Variants in ERBB4 observed in about 807,000 individuals in gnomAD.
ERBB4 encodes the protein receptor tyrosine-protein kinase erbB-4.
In ERBB4, 42 loss-of-function variants were observed where a neutral mutation model predicts 158.0. The observed-to-expected ratio is 0.27, with a 90% CI of 0.21 to 0.34. ERBB4 has a LOEUF of 0.34. Among genes scored for constraint, ERBB4 ranks in the 10% least tolerant of loss-of-function variants. The pLI is 1.00. For synonymous variants in ERBB4, 583 were observed against 558.7 expected (o/e 1.04, Z -0.61); for missense variants, 1,333 against 1,624.1 (o/e 0.82, Z 3.08).
chr2:212,230,702 T>C (rs1010258153), intron 1 of ERBB4, among the ~76,000 whole-genome samples: 4 of 152,198 alleles, frequency 2.6e-5, no homozygotes, highest in Non-Finnish European at 5.9e-5. Flanking sequence ...ATCATACTAC[T>C]TATTCAGGTT....
chr2:212,461,560 T>G (rs941455061), intron 1 of ERBB4, among the ~76,000 whole-genome samples: 2 of 152,174 alleles, frequency 1.3e-5, no homozygotes, highest in Non-Finnish European at 2.9e-5. Flanking sequence ...TTTCACATGC[T>G]CATAGGTGGA....
chr2:211,457,225 G>T (rs2064404946), intron 20 of ERBB4, among the ~76,000 whole-genome samples: 1 of 152,014 alleles, frequency 6.6e-6, no homozygotes, highest in African/African-American at 2.4e-5. Flanking sequence ...ATACATTATG[G>T]TTACATTAAG....
At chr2:211,612,500 C>T (rs1014140514) in intron 19 of ERBB4, among the ~76,000 whole-genome samples, 3 of 151,828 alleles carry the variant, frequency 2.0e-5, no homozygotes, top group Non-Finnish European at 4.4e-5. Flanking sequence ...TGAGAAAGCA[C>T]ACTTAAGCTG....
intron 1 of ERBB4, among the ~76,000 whole-genome samples, chr2:212,431,084 C>G (rs2092016791): frequency 6.6e-6 from 1 of 151,874 alleles, no homozygotes; most frequent in Non-Finnish European, 1.5e-5. Context: ...CTGATTGACA[C>G]TGATTCCCTC....
chr2:212,476,153 T>TCTCA (rs1553646929), intron 1 of ERBB4, among the ~76,000 whole-genome samples: 62 of 144,282 alleles, frequency 4.3e-4, no homozygotes, highest in African/African-American at 1.6e-3. Context: ...TCTCTCTCTG[T>TCTCA]CACACACACA....
chr2:211,405,658 T>C (rs2063131522), intron 25 of ERBB4, among the ~76,000 whole-genome samples: 1 of 152,188 alleles, frequency 6.6e-6, no homozygotes, highest in Admixed American at 6.6e-5. Context: ...TCACATTTCC[T>C]GCCTTTAACT....
intron 27 of ERBB4, among the ~76,000 whole-genome samples, chr2:211,386,095 C>A (rs1252828667): frequency 6.6e-6 from 1 of 152,206 alleles, no homozygotes; most frequent in Admixed American, 6.5e-5. Flanking sequence ...CTAAAGACTG[C>A]GAGAGACATG....
chr2:211,531,951 T>C (rs1194961248), intron 20 of ERBB4, among the ~76,000 whole-genome samples: 1 of 152,010 alleles, frequency 6.6e-6, no homozygotes, highest in East Asian at 1.9e-4. Flanking sequence ...ATCTGGTACA[T>C]ATTCAGCCAT....
chr2:212,091,708 A>G (rs74894709), intron 2 of ERBB4, among the ~76,000 whole-genome samples: 19,632 of 152,192 alleles, frequency 0.13, 1,567 homozygotes, highest in African/African-American at 0.22. Context: ...ATTGAAAAAA[A>G]ATCATAAAAT....
chr2:211,613,835 A>G (rs2069288049), intron 19 of ERBB4, among the ~76,000 whole-genome samples: 1 of 152,078 alleles, frequency 6.6e-6, no homozygotes, highest in African/African-American at 2.4e-5. Context: ...GTATATTAGT[A>G]TAACCACTAT....
intron 20 of ERBB4, among the ~76,000 whole-genome samples, chr2:211,516,335 CT>C (rs1182366655): frequency 2.8e-5 from 4 of 145,380 alleles, no homozygotes; most frequent in South Asian, 2.2e-4. Context: ...CCTTTTTTTT[CT>C]TTTTTTTTTC....
intron 19 of ERBB4, among the ~76,000 whole-genome samples, chr2:211,591,794 C>A (rs2068475069): frequency 6.6e-6 from 1 of 152,174 alleles, no homozygotes; most frequent in Non-Finnish European, 1.5e-5. Flanking sequence ...TCATAAAAAT[C>A]CCAGTGTGAA....
chr2:211,725,537 T>A (rs968947891), intron 5 of ERBB4, among the ~76,000 whole-genome samples: 1 of 152,044 alleles, frequency 6.6e-6, no homozygotes, highest in African/African-American at 2.4e-5. Context: ...TTGAGGCCAG[T>A]AGTTCAAAGA....
chr2:211,542,193 G>A (rs1215940305), intron 20 of ERBB4, among the ~76,000 whole-genome samples: 1 of 151,998 alleles, frequency 6.6e-6, no homozygotes, highest in Non-Finnish European at 1.5e-5. Flanking sequence ...GTGCCTTAGG[G>A]AGAAAGACAA....
At chr2:212,406,619 G>A (rs1443695081) in intron 1 of ERBB4, among the ~76,000 whole-genome samples, 1 of 152,004 alleles carries the variant, frequency 6.6e-6, no homozygotes, top group Non-Finnish European at 1.5e-5. Flanking sequence ...GTAAAGGACG[G>A]GTACATTAAT....
At chr2:211,555,263 G>A (rs969053839) in intron 20 of ERBB4, among the ~76,000 whole-genome samples, 11 of 151,890 alleles carry the variant, frequency 7.2e-5, no homozygotes, top group Admixed American at 1.3e-4. Context: ...TCGGCTCACC[G>A]CAACCTCTAC....
chr2:212,271,965 A>T (rs1200683344), intron 1 of ERBB4, among the ~76,000 whole-genome samples: 2 of 151,786 alleles, frequency 1.3e-5, no homozygotes, highest in Non-Finnish European at 2.9e-5. Context: ...CGGTTCTCTT[A>T]TAAGGATTAA....
At chr2:211,476,153 G>A (rs947881186) in intron 20 of ERBB4, among the ~76,000 whole-genome samples, 1 of 152,070 alleles carries the variant, frequency 6.6e-6, no homozygotes, top group Non-Finnish European at 1.5e-5. Flanking sequence ...AAGAGAAAGT[G>A]GGGAAGGGCA....
Position 211,387,185 on chromosome 2 carries a change from G to A in ERBB4, c.3184-35C>T, listed in dbSNP as rs142930671. ...AGAGAAACATATGTGGAGAGAAGGCGTTGTTAGAAATAGTTTAAAAATGAA... is the reference window on the plus strand; with the variant it reads ...AGAGAAACATATGTGGAGAGAAGGCATTGTTAGAAATAGTTTAAAAATGAA... On this transcript the variant is annotated intron_variant, in intron 26 of 27. Transcript: ENST00000342788. The A allele has an allele frequency of 8.7e-3, 13,022 of 1,497,336 alleles. 82 individuals carry two copies. Among genetic ancestry groups the A allele is most frequent in the Non-Finnish European group, 9.7e-3 (10,462 of 1,073,228 alleles). The allele number at this position is 1,497,336 out of a possible 1,614,324, so 92.8% of individuals were successfully genotyped here.
Sources: gnomAD v4.1 joint callset for allele counts (sites outside exome capture counted in the v4.1 genomes callset) on GRCh38, gnomAD v4.1.1 for gene constraint, MANE v1.5 for transcripts, NCBI Gene and HGNC (gene_info 2026-07-23, HGNC 2026-07-21) for gene names.